Variants in TSHZ2 observed in about 807,000 individuals in gnomAD.
The protein encoded by TSHZ2 is teashirt homolog 2.
A neutral mutation model predicts 74.4 loss-of-function variants in TSHZ2; 21 were observed. The observed-to-expected ratio is 0.28, with a 90% CI of 0.20 to 0.41. The LOEUF (loss-of-function observed/expected upper bound fraction) is 0.41. Ranked by LOEUF, TSHZ2 falls within the 10% of genes least tolerant of loss-of-function variation. TSHZ2 has a pLI of 1.00. For missense variants in TSHZ2, 1,244 were observed against 1,293.5 expected, an observed-to-expected ratio of 0.96 and a Z score of 0.59; for synonymous variants, 540 against 515.3, an observed-to-expected ratio of 1.05 and a Z score of -0.65.
intron 1 of TSHZ2, among the ~76,000 whole-genome samples, chr20:53,040,600 G>A (rs768386829): frequency 6.3e-5 from 9 of 141,740 alleles, no homozygotes; most frequent in African/African-American, 7.7e-5. Flanking sequence ...CCCTGGCCAC[G>A]TGTTCTTCCC....
intron 1 of TSHZ2, among the ~76,000 whole-genome samples, chr20:53,194,083 G>C (rs1178532621): frequency 6.6e-6 from 1 of 152,180 alleles, no homozygotes; most frequent in Non-Finnish European, 1.5e-5. Context: ...TTGGATGGTA[G>C]TTCACTGATT....
intron 1 of TSHZ2, among the ~76,000 whole-genome samples, chr20:53,171,694 A>G (rs1163687007): frequency 1.3e-5 from 2 of 152,064 alleles, no homozygotes; most frequent in East Asian, 1.9e-4. Flanking sequence ...AATATATAAT[A>G]AAAATAATTT....
At position 53,042,229 on chromosome 20, in the gene TSHZ2, A is replaced by C. The variant is rs185523580; in HGVS notation, c.40+68896A>C. On this transcript the variant is annotated intron_variant, in intron 1 of 2. Transcript: ENST00000371497. The stretch of plus-strand genomic sequence containing the variant: ...TAATTACAATCTCCTTGGTGAGGGA[A>C]AATATTTTTCCTTCTATCATGTTCA... Among the ~76,000 whole-genome samples the C allele has an allele frequency of 1.9e-4, 29 of 152,338 alleles. No homozygotes were observed. The East Asian group carries it at 5.2e-3, about 27-fold the overall frequency.
At chr20:53,179,158 A>G (rs1988415304) in intron 1 of TSHZ2, 1 of 149,978 alleles carries the variant, frequency 6.7e-6, no homozygotes, top group Non-Finnish European at 1.5e-5. Context: ...TTTTTTTTTT[A>G]AGGAAAAGAG....
At chr20:53,076,022 A>G (rs999619487) in intron 1 of TSHZ2, among the ~76,000 whole-genome samples, 2 of 152,168 alleles carry the variant, frequency 1.3e-5, no homozygotes, top group Admixed American at 1.3e-4. Context: ...ACACCAGATG[A>G]TCTTCAAGGT....
At chr20:53,314,857 A>G (rs1441661030) in intron 2 of TSHZ2, among the ~76,000 whole-genome samples, 1 of 152,084 alleles carries the variant, frequency 6.6e-6, no homozygotes, top group Non-Finnish European at 1.5e-5. Flanking sequence ...CCTGACCTCA[A>G]GTGATCAGCC....
chr20:53,411,010 G>A (rs889220805), intron 2 of TSHZ2, among the ~76,000 whole-genome samples: 2 of 152,134 alleles, frequency 1.3e-5, no homozygotes, highest in Non-Finnish European at 2.9e-5. Context: ...AATATGAGCT[G>A]TAATTCAATG....
intron 2 of TSHZ2, among the ~76,000 whole-genome samples, chr20:53,409,266 GA>G (rs77521340): frequency 1.1e-4 from 16 of 148,708 alleles, no homozygotes; most frequent in African/African-American, 3.0e-4. Context: ...TCTTTCTTCA[GA>G]AAAAAAAAAT....
intron 1 of TSHZ2, among the ~76,000 whole-genome samples, chr20:53,053,118 C>T (rs1984530355): frequency 6.6e-6 from 1 of 152,154 alleles, no homozygotes; most frequent in Non-Finnish European, 1.5e-5. Context: ...CTGTTTGGGG[C>T]CTTTCATATA....
intron 1 of TSHZ2, among the ~76,000 whole-genome samples, chr20:53,236,387 C>A (rs1989939141): frequency 6.6e-6 from 1 of 152,170 alleles, no homozygotes. Context: ...TCTATCCTAA[C>A]CTTATTTTTC....
intron 1 of TSHZ2, among the ~76,000 whole-genome samples, chr20:53,139,162 A>G (rs1350900264): frequency 6.6e-6 from 1 of 152,180 alleles, no homozygotes; most frequent in Non-Finnish European, 1.5e-5. Flanking sequence ...CCTTCACATA[A>G]CACTCACAAG....
intron 1 of TSHZ2, among the ~76,000 whole-genome samples, chr20:53,161,130 C>CAAAAAAAAAAAAAAAAAAAAAAAAAAAA (rs368626161): frequency 1.5e-5 from 1 of 67,978 alleles, no homozygotes; most frequent in Non-Finnish European, 2.6e-5. Context: ...TTATTTTCAG[C>CAAAAAAAAAAAAAAAAAAAAAAAAAAAA]AAAAAAAAAA....
chr20:53,038,335 A>G (rs1983903625), intron 1 of TSHZ2, among the ~76,000 whole-genome samples: 1 of 151,770 alleles, frequency 6.6e-6, no homozygotes, highest in South Asian at 2.1e-4. Context: ...GAGAAGCAGA[A>G]GCTTACTATC....
In TSHZ2 at chr20:53,229,578, T is replaced by G. The variant is rs865908551; in HGVS notation, c.41-23921T>G. On this transcript the variant is annotated intron_variant, in intron 1 of 2. Coordinates refer to ENST00000371497, the MANE Select transcript of TSHZ2 (RefSeq NM_173485.6). ...GTGGTGTCTCTGTTGCCCATCCCAG[T>G]ACACACGGTAGGGGCTCAGCTTTTC... Among the ~76,000 whole-genome samples the G allele has an allele frequency of 3.3e-5, 5 of 152,204 alleles. No individual in the cohort carries two copies. In the South Asian group the frequency reaches 6.2e-4, roughly 19 times the overall value.
At chr20:53,203,349 C>G (rs148158568) in intron 1 of TSHZ2, among the ~76,000 whole-genome samples, 2 of 152,012 alleles carry the variant, frequency 1.3e-5, no homozygotes, top group South Asian at 4.2e-4. Flanking sequence ...CACCCACCAC[C>G]ATACCTGGCT....
At chr20:53,187,821 G>C (rs1447080062) in intron 1 of TSHZ2, among the ~76,000 whole-genome samples, 2 of 152,064 alleles carry the variant, frequency 1.3e-5, no homozygotes, top group African/African-American at 4.8e-5. Flanking sequence ...GAAAAGGGTG[G>C]TGCTATCATG....
chr20:53,391,383 G>A (rs1338449257), intron 2 of TSHZ2, among the ~76,000 whole-genome samples: 2 of 151,962 alleles, frequency 1.3e-5, no homozygotes, highest in Non-Finnish European at 2.9e-5. Context: ...CTGACCTTGT[G>A]ATACACCTGC....
chr20:53,122,888 T>C (rs922515724), intron 1 of TSHZ2, among the ~76,000 whole-genome samples: 6 of 152,216 alleles, frequency 3.9e-5, no homozygotes, highest in African/African-American at 1.4e-4. Context: ...TCTGATTAAA[T>C]ACATTTTCTT....
At position 53,067,184 on chromosome 20, in the gene TSHZ2, G is replaced by A. The variant is rs377753960; in HGVS notation, c.40+93851G>A. On this transcript the variant is annotated intron_variant, in intron 1 of 2. Coordinates refer to ENST00000371497, the MANE Select transcript of TSHZ2 (RefSeq NM_173485.6). Reference sequence around the variant, plus strand: ...GGGACCAGTGATTCTAGCTTTGACTGTCTCTTCGATGGTTGATGGTATGTA... The same window carrying A: ...GGGACCAGTGATTCTAGCTTTGACTATCTCTTCGATGGTTGATGGTATGTA... 1.1e-3 allele frequency among the ~76,000 whole-genome samples: 172 copies of A among 152,230 alleles called. No individual in the cohort carries two copies. In the Middle Eastern group the frequency reaches 0.017, roughly 15 times the overall value.
Sources: gnomAD v4.1 joint callset for allele counts (sites outside exome capture counted in the v4.1 genomes callset) on GRCh38, gnomAD v4.1.1 for gene constraint, MANE v1.5 for transcripts, NCBI Gene and HGNC (gene_info 2026-07-23, HGNC 2026-07-21) for gene names.